GPHN: variants seen among roughly 807,000 people sequenced by gnomAD.
GPHN encodes the protein gephyrin.
Under a neutral mutation model 95.5 loss-of-function variants are expected in GPHN, and 17 were observed. That is an observed-to-expected ratio of 0.18 (90% CI 0.12 to 0.27). The LOEUF is 0.27. Ranked by LOEUF, GPHN falls within the 10% of genes least tolerant of loss-of-function variation. GPHN has a pLI of 1.00. For missense variants in GPHN, 660 were observed against 978.1 expected (o/e 0.67, Z 4.34); for synonymous variants, 320 against 322.5 (o/e 0.99, Z 0.08).
At chr14:67,090,539 T>A (rs766153403) in intron 12 of GPHN, among the ~76,000 whole-genome samples, 13 of 152,104 alleles carry the variant, frequency 8.5e-5, no homozygotes, top group Non-Finnish European at 1.3e-4. Flanking sequence ...ATCCACAAGA[T>A]ATCTCATTAT....
chr14:67,597,991 A>T, the GPHN span, among the ~76,000 whole-genome samples: 1 of 152,322 alleles, frequency 6.6e-6, no homozygotes, highest in South Asian at 2.1e-4. Context: ...ATCCTTAAGG[A>T]TTTGATCCAT....
the GPHN span, chr14:67,227,439 C>CAAAAAAAAAAAAAAAAGAAAA: frequency 1.2e-5 from 1 of 83,656 alleles, no homozygotes; most frequent in Non-Finnish European, 2.8e-5. Context: ...GATGCTGTCT[C>CAAAAAAAAAAAAAAAAGAAAA]AAAAAAAAAA....
At chr14:67,332,675 GGAAAGC>G in the GPHN span, 1 of 1,084,928 alleles carries the variant, frequency 9.2e-7, no homozygotes, top group Non-Finnish European at 1.3e-6. Context: ...AGAGACAGAA[GGAAAGC>G]TATGAAGGTC....
the GPHN span, chr14:67,393,303 G>T: frequency 2.8e-5 from 31 of 1,118,770 alleles, no homozygotes; most frequent in Middle Eastern, 2.0e-4. Context: ...ATAAGGGAGG[G>T]TCCTGAGTCA....
At chr14:67,148,389 C>G (rs565373296) in intron 18 of GPHN, among the ~76,000 whole-genome samples, 18 of 152,042 alleles carry the variant, frequency 1.2e-4, no homozygotes, top group Non-Finnish European at 1.9e-4. Flanking sequence ...GAAACCAGGG[C>G]AAATACAATC....
the GPHN span, among the ~76,000 whole-genome samples, chr14:67,557,072 T>C: frequency 6.6e-6 from 1 of 152,156 alleles, no homozygotes; most frequent in African/African-American, 2.4e-5. Flanking sequence ...GTGGCCAAAA[T>C]GAGTTTCTTC....
intron 1 of GPHN, among the ~76,000 whole-genome samples, chr14:66,633,777 C>T (rs970364930): frequency 5.3e-5 from 8 of 152,106 alleles, no homozygotes; most frequent in Non-Finnish European, 1.2e-4. Context: ...TGGTGCTGTA[C>T]TCTTCCCATT....
chr14:67,387,397 A>AGT, the GPHN span: 1 of 1,610,952 alleles, frequency 6.2e-7, no homozygotes, highest in South Asian at 1.1e-5. Flanking sequence ...TGAATGTAAT[A>AGT]GTGTGTGTCA....
chr14:66,743,476 A>G (rs959930805), intron 2 of GPHN, among the ~76,000 whole-genome samples: 1 of 152,134 alleles, frequency 6.6e-6, no homozygotes, highest in Non-Finnish European at 1.5e-5. Flanking sequence ...TTGCCTTTGC[A>G]TATAAAATCT....
chr14:67,510,112 T>C, the GPHN span, among the ~76,000 whole-genome samples: 1 of 152,234 alleles, frequency 6.6e-6, no homozygotes, highest in Non-Finnish European at 1.5e-5. Context: ...TCACTTTATC[T>C]TGCAGAGCCT....
At chr14:66,602,018 T>C (rs1459597280) in intron 1 of GPHN, among the ~76,000 whole-genome samples, 1 of 152,008 alleles carries the variant, frequency 6.6e-6, no homozygotes, top group Non-Finnish European at 1.5e-5. Flanking sequence ...GGTGGATGTG[T>C]AAACTTACCT....
the GPHN span, among the ~76,000 whole-genome samples, chr14:67,195,513 A>G: frequency 2.6e-5 from 4 of 152,180 alleles, no homozygotes; most frequent in Non-Finnish European, 4.4e-5. Flanking sequence ...CACACCCTCC[A>G]GTATGCAGTA....
intron 10 of GPHN, among the ~76,000 whole-genome samples, chr14:67,057,791 C>T (rs1348680511): frequency 6.6e-6 from 1 of 151,934 alleles, no homozygotes; most frequent in Non-Finnish European, 1.5e-5. Context: ...TGTCAGTATC[C>T]CAAGTCCCTA....
chr14:66,918,445 A>G (rs1017870639), intron 6 of GPHN, among the ~76,000 whole-genome samples: 4 of 152,272 alleles, frequency 2.6e-5, no homozygotes, highest in Middle Eastern at 3.4e-3. Context: ...CAAGAAAGGG[A>G]GTATGAGTAT....
intron 3 of GPHN, among the ~76,000 whole-genome samples, chr14:66,813,879 G>A (rs2060857223): frequency 1.3e-5 from 2 of 152,218 alleles, no homozygotes; most frequent in South Asian, 2.1e-4. Context: ...GAGGTCCCTG[G>A]GTACCCACGC....
intron 11 of GPHN, among the ~76,000 whole-genome samples, chr14:67,088,725 C>T (rs1724621494): frequency 6.6e-6 from 1 of 152,202 alleles, no homozygotes; most frequent in Non-Finnish European, 1.5e-5. Context: ...CAACTGAGCA[C>T]ATCTTTGATT....
At chr14:66,955,669 T>G (rs1387804868) in intron 8 of GPHN, among the ~76,000 whole-genome samples, 2 of 152,144 alleles carry the variant, frequency 1.3e-5, no homozygotes, top group Non-Finnish European at 2.9e-5. Flanking sequence ...TCATTTACAT[T>G]AGGTATATAT....
At chr14:67,110,516 C>G (rs1205230481) in intron 14 of GPHN, among the ~76,000 whole-genome samples, 2 of 152,062 alleles carry the variant, frequency 1.3e-5, no homozygotes, top group East Asian at 1.9e-4. Flanking sequence ...TCATATTTGA[C>G]CCAAGCAGTT....
At chr14:66,976,919 G>GT (rs924039836) in intron 9 of GPHN, among the ~76,000 whole-genome samples, 1 of 140,010 alleles carries the variant, frequency 7.1e-6, no homozygotes, top group Non-Finnish European at 1.5e-5. Context: ...AATATGTGGG[G>GT]GGGGGGGGAG....
Sources: gnomAD v4.1 joint callset for allele counts (sites outside exome capture counted in the v4.1 genomes callset) on GRCh38, gnomAD v4.1.1 for gene constraint, MANE v1.5 for transcripts, NCBI Gene and HGNC (gene_info 2026-07-23, HGNC 2026-07-21) for gene names.